Variants in OSBPL1A observed in about 807,000 individuals in gnomAD.
OSBPL1A encodes the protein oxysterol-binding protein-related protein 1.
Under a neutral mutation model 137.1 loss-of-function variants are expected in OSBPL1A, and 80 were observed. The observed-to-expected ratio is 0.58, with a 90% CI of 0.49 to 0.70. The LOEUF (loss-of-function observed/expected upper bound fraction) is 0.70, where lower values mean the gene tolerates loss of function less well. Among genes scored for constraint, OSBPL1A ranks in the 30% least tolerant of loss-of-function variants. The pLI is 0.00. For synonymous variants in OSBPL1A, 365 were observed against 389.7 expected (o/e 0.94, Z 0.75); for missense variants, 970 against 1,129.4 (o/e 0.86, Z 2.02).
chr18:24,164,420 G>GTTTTTTTTT (rs35343209), intron 27 of OSBPL1A, among the ~76,000 whole-genome samples: 1 of 95,970 alleles, frequency 1.0e-5, no homozygotes, highest in Non-Finnish European at 1.9e-5. Context: ...GAGATTTTTG[G>GTTTTTTTTT]TTTTTTTTTT....
intron 15 of OSBPL1A, among the ~76,000 whole-genome samples, chr18:24,280,099 C>A (rs1250228652): frequency 6.6e-6 from 1 of 152,112 alleles, no homozygotes; most frequent in East Asian, 1.9e-4. Flanking sequence ...GTGTGCGCCA[C>A]CACGCCTGGC....
At position 24,334,226 on chromosome 18, in the gene OSBPL1A, G is replaced by C; in HGVS notation, c.480+19C>G. 6.3e-7 allele frequency: 1 copy of C among 1,583,896 alleles called. No homozygotes were observed. On this transcript the variant is annotated intron_variant, in intron 6 of 27. Coordinates refer to ENST00000319481, the MANE Select transcript of OSBPL1A (RefSeq NM_080597.4). The stretch of plus-strand genomic sequence containing the variant: ...GAAAGACTGCTTTTTGTCTTTTGGG[G>C]GTTTTTTGTTTGTTTTACCAGAGCT...
Position 24,166,590 on chromosome 18 carries a change from T to C in OSBPL1A, c.2648A>G (p.Asn883Ser). The C allele has an allele frequency of 6.2e-7, 1 of 1,609,718 alleles. No homozygotes were observed. The highest frequency in any genetic ancestry group is 2.2e-5 in the East Asian group (1 of 44,540). Residue 883 changes from asparagine (N) to serine (S), a missense_variant, in exon 26 of 28, where the codon AAT becomes AGT. Physicochemically the swap from Asn to Ser is conservative, Grantham distance 46 (BLOSUM62 1). Transcript: ENST00000319481. ...RLRPDIRAME[N>S]GEIDQASEEK... ...CGGATGCTAGTTACCTATCTCTCCATTTTCCATGGCTCTGATGTCAGGCCG... is the reference window on the plus strand; with the variant it reads ...CGGATGCTAGTTACCTATCTCTCCACTTTCCATGGCTCTGATGTCAGGCCG...
chr18:24,294,220 G>GTT (rs78960811), intron 14 of OSBPL1A, among the ~76,000 whole-genome samples: 1 of 148,526 alleles, frequency 6.7e-6, no homozygotes, highest in Non-Finnish European at 1.5e-5. Context: ...ATATGTGGTT[G>GTT]TTTTTTTTTT....
intron 24 of OSBPL1A, among the ~76,000 whole-genome samples, chr18:24,169,843 G>T (rs1028581294): frequency 6.6e-6 from 1 of 152,206 alleles, no homozygotes; most frequent in Admixed American, 6.5e-5. Flanking sequence ...CCACAAAGAA[G>T]AAAGTTTAGT....
At chr18:24,397,387 A>G (rs947808091) in intron 1 of OSBPL1A, among the ~76,000 whole-genome samples, 8 of 152,212 alleles carry the variant, frequency 5.3e-5, no homozygotes, top group Non-Finnish European at 2.9e-5. Context: ...GTGGCACCCG[A>G]GTGGGAAGTG....
At chr18:24,170,935 ACTGTG>A (rs2086265847) in intron 23 of OSBPL1A, among the ~76,000 whole-genome samples, 1 of 50,102 alleles carries the variant, frequency 2.0e-5, no homozygotes, top group South Asian at 6.6e-4. Flanking sequence ...GGCGTGAGCC[ACTGTG>A]CTCAACCAAA....
At chr18:24,396,036 T>C (rs189115746) in intron 1 of OSBPL1A, among the ~76,000 whole-genome samples, 1 of 151,042 alleles carries the variant, frequency 6.6e-6, no homozygotes, top group Non-Finnish European at 1.5e-5. Context: ...CTGAACAACA[T>C]GGTGAAACCT....
chr18:24,163,625 A>AT (rs55863834), intron 27 of OSBPL1A, among the ~76,000 whole-genome samples: 14,088 of 152,150 alleles, frequency 0.093, 930 homozygotes, highest in Middle Eastern at 0.27. Context: ...TCCACAAGGC[A>AT]TTTTTTTAAG....
At chr18:24,374,204 T>A (rs905578343) in intron 2 of OSBPL1A, among the ~76,000 whole-genome samples, 1 of 152,198 alleles carries the variant, frequency 6.6e-6, no homozygotes, top group Admixed American at 6.5e-5. Flanking sequence ...TTAAAATTCC[T>A]TTTACCACCT....
intron 7 of OSBPL1A, among the ~76,000 whole-genome samples, chr18:24,328,670 G>A (rs148502804): frequency 2.6e-4 from 40 of 152,180 alleles, no homozygotes; most frequent in African/African-American, 9.6e-4. Context: ...AGAGCCTCCA[G>A]GACAGTTCAT....
Position 24,207,404 on chromosome 18 carries a change from T to C in OSBPL1A, c.1602-11204A>G, listed in dbSNP as rs112835459. Among the ~76,000 whole-genome samples the C allele has an allele frequency of 6.7e-3, 1,019 of 152,336 alleles. 9 individuals are homozygous for C. Among genetic ancestry groups the C allele is most frequent in the African/African-American group, 0.023 (972 of 41,578 alleles). On this transcript the variant is annotated intron_variant, in intron 17 of 27. Transcript: ENST00000319481. ...CAGCCTCTTATGTCACTTAAAAGAA[T>C]ATTTTCAAAACCAACTTATTTAACA...
At chr18:24,192,533 T>G (rs1229398129) in intron 18 of OSBPL1A, among the ~76,000 whole-genome samples, 1 of 152,198 alleles carries the variant, frequency 6.6e-6, no homozygotes, top group Admixed American at 6.5e-5. Context: ...TTTGATAACA[T>G]AATCCTGCTC....
intron 13 of OSBPL1A, among the ~76,000 whole-genome samples, chr18:24,304,198 C>T (rs1360906809): frequency 6.6e-6 from 1 of 152,186 alleles, no homozygotes; most frequent in Admixed American, 6.5e-5. Context: ...TAAGTGCATA[C>T]AGCCCCCACA....
intron 7 of OSBPL1A, among the ~76,000 whole-genome samples, chr18:24,330,243 A>AT (rs1388631218): frequency 2.6e-5 from 4 of 152,180 alleles, no homozygotes; most frequent in Non-Finnish European, 5.9e-5. Flanking sequence ...GCTCCCCTGG[A>AT]TGTGCCCTTG....
intron 15 of OSBPL1A, among the ~76,000 whole-genome samples, chr18:24,246,564 G>A (rs2088893855): frequency 6.6e-6 from 1 of 152,096 alleles, no homozygotes; most frequent in Non-Finnish European, 1.5e-5. Flanking sequence ...GCAGAGGTGG[G>A]CGGATCACCG....
intron 17 of OSBPL1A, among the ~76,000 whole-genome samples, chr18:24,213,422 A>G (rs2087602427): frequency 6.6e-6 from 1 of 152,114 alleles, no homozygotes; most frequent in Admixed American, 6.6e-5. Flanking sequence ...ATAAAAAATT[A>G]GCCAGGTGTG....
intron 13 of OSBPL1A, among the ~76,000 whole-genome samples, chr18:24,310,969 A>G (rs952776622): frequency 1.3e-5 from 2 of 152,196 alleles, no homozygotes; most frequent in Non-Finnish European, 2.9e-5. Flanking sequence ...TGCAAAGTTC[A>G]CTGATCTGAA....
rs953865197 is a variant in OSBPL1A at position 24,359,268 on chromosome 18, C to T, written c.282+7624G>A. Among the ~76,000 whole-genome samples the T allele has an allele frequency of 4.0e-5, 6 of 150,674 alleles. No individual in the cohort carries two copies. The South Asian group carries it at 6.3e-4, about 16-fold the overall frequency. On this transcript the variant is annotated intron_variant, in intron 4 of 27. Transcript: ENST00000319481. ...AGAAAGAGAGAGATATGGTGGGGGG[C>T]GGGAAGAGGGGGTCTTGTTATGTTG...
Sources: allele counts gnomAD v4.1 joint callset (sites outside exome capture counted in the v4.1 genomes callset), GRCh38; gene constraint gnomAD v4.1.1; transcripts MANE v1.5; gene names NCBI Gene and HGNC (gene_info 2026-07-23, HGNC 2026-07-21).